The following DIAPH3 variants were observed in gnomAD, a reference collection of about 807,000 sequenced individuals.
The protein encoded by DIAPH3 is diaphanous related formin 3.
DIAPH3 carries 117 observed loss-of-function variants against 144.3 expected under a neutral mutation model. The ratio of observed to expected loss-of-function variants is 0.81; its 90% CI spans 0.70 to 0.95. DIAPH3 has a LOEUF of 0.95. Among genes scored for constraint, DIAPH3 ranks in the 40% least tolerant of loss-of-function variants. The probability of loss-of-function intolerance (pLI) is 0.00; values close to 1 mark genes in which losing one functional copy is unlikely to be tolerated. For synonymous variants in DIAPH3, 519 were observed against 488.9 expected (o/e 1.06, Z -0.81); for missense variants, 1,421 against 1,412.7 (o/e 1.01, Z -0.09).
At chr13:59,919,714 A>C (rs2047417132) in intron 18 of DIAPH3, among the ~76,000 whole-genome samples, 1 of 152,094 alleles carries the variant, frequency 6.6e-6, no homozygotes, top group South Asian at 2.1e-4. Flanking sequence ...AAATATCTGA[A>C]AGTATAACTC....
chr13:59,725,000 A>G (rs2035537957), intron 27 of DIAPH3, among the ~76,000 whole-genome samples: 1 of 152,152 alleles, frequency 6.6e-6, no homozygotes, highest in South Asian at 2.1e-4. Context: ...GTATCAAGCA[A>G]TTTACTGTTT....
Position 59,697,175 on chromosome 13 carries a change from C to T in DIAPH3, c.3320-30329G>A, listed in dbSNP as rs559143276. Among the ~76,000 whole-genome samples, 4 of 151,866 alleles carry T rather than the reference C, an allele frequency of 2.6e-5. No individual in the cohort carries two copies. In the South Asian group the frequency reaches 8.3e-4, roughly 32 times the overall value. On this transcript the variant is annotated intron_variant, in intron 27 of 27. Coordinates refer to ENST00000400324, the MANE Select transcript of DIAPH3 (RefSeq NM_001042517.2). ...AGAAAGGTTTTTAGAAGAGGGGATT[C>T]AGGGCCGGGCGCGGTGGCTCACTCC...
chr13:59,844,401 G>C (rs1276128392), intron 22 of DIAPH3, among the ~76,000 whole-genome samples: 1 of 151,832 alleles, frequency 6.6e-6, no homozygotes, highest in Non-Finnish European at 1.5e-5. Flanking sequence ...CTACTCAGGA[G>C]GTTGAGGCAG....
intron 1 of DIAPH3, among the ~76,000 whole-genome samples, chr13:60,139,111 GTCTATGGA>G (rs559271575): frequency 1.0e-3 from 153 of 152,274 alleles, no homozygotes; most frequent in African/African-American, 3.6e-3. Context: ...CACCTACAGA[GTCTATGGA>G]TCATCTCCCT....
chr13:59,958,662 T>C (rs6562066), intron 17 of DIAPH3, among the ~76,000 whole-genome samples: 96,915 of 151,538 alleles, frequency 0.64, 31,896 homozygotes, highest in African/African-American at 0.74. Flanking sequence ...GTATATATTG[T>C]AAACTGCAAA....
At chr13:59,855,999 G>A (rs1380885990) in intron 22 of DIAPH3, among the ~76,000 whole-genome samples, 1 of 151,972 alleles carries the variant, frequency 6.6e-6, no homozygotes, top group Non-Finnish European at 1.5e-5. Context: ...TCTAGGAAAT[G>A]CCGTAGATCT....
chr13:59,855,131 T>C (rs575407788), intron 22 of DIAPH3, among the ~76,000 whole-genome samples: 4 of 152,326 alleles, frequency 2.6e-5, no homozygotes, highest in African/African-American at 9.6e-5. Context: ...ATATTTGCAC[T>C]GCAAAATGAT....
At chr13:59,776,942 AAACAAAC>A (rs200883920) in intron 25 of DIAPH3, among the ~76,000 whole-genome samples, 2,941 of 151,970 alleles carry the variant, frequency 0.019, 82 homozygotes, top group East Asian at 0.12. Flanking sequence ...ACAAACAAAC[AAACAAAC>A]AAAAAAACCC....
intron 24 of DIAPH3, among the ~76,000 whole-genome samples, chr13:59,826,677 A>T (rs1424709550): frequency 6.6e-6 from 1 of 151,820 alleles, no homozygotes; most frequent in East Asian, 1.9e-4. Context: ...ATTGGAAAAA[A>T]CTACTTTAAA....
intron 5 of DIAPH3, among the ~76,000 whole-genome samples, chr13:60,029,897 C>T (rs976414811): frequency 2.0e-5 from 3 of 152,128 alleles, no homozygotes; most frequent in African/African-American, 4.8e-5. Context: ...CTACCACGAG[C>T]TTTATGGCCA....
At position 60,016,542 on chromosome 13, in the gene DIAPH3, C is replaced by A. The variant is rs144217556; in HGVS notation, c.627-397G>T. The stretch of plus-strand genomic sequence containing the variant: ...TTTACCAGCATACCACTAATTACAG[C>A]CCATTTGGGGCTATGCCAAAGAAGA... On this transcript the variant is annotated intron_variant, in intron 5 of 27. Transcript: ENST00000400324. 3.5e-3 allele frequency among the ~76,000 whole-genome samples: 535 copies of A among 152,202 alleles called. 3 individuals are homozygous for A. Among genetic ancestry groups the A allele is most frequent in the African/African-American group, 0.013 (519 of 41,516 alleles).
chr13:59,995,194 T>C (rs2052115478), intron 9 of DIAPH3, among the ~76,000 whole-genome samples: 1 of 151,724 alleles, frequency 6.6e-6, no homozygotes, highest in Non-Finnish European at 1.5e-5. Flanking sequence ...ATTCATTCAT[T>C]AAAAAAACAA....
At chr13:59,699,162 T>C (rs2033970315) in intron 27 of DIAPH3, among the ~76,000 whole-genome samples, 1 of 152,284 alleles carries the variant, frequency 6.6e-6, no homozygotes, top group African/African-American at 2.4e-5. Flanking sequence ...GGGTGGTCAG[T>C]ACATTGGAGA....
intron 21 of DIAPH3, among the ~76,000 whole-genome samples, chr13:59,864,435 T>C (rs1436183653): frequency 6.6e-6 from 1 of 152,016 alleles, no homozygotes; most frequent in African/African-American, 2.4e-5. Context: ...CCATTTTTAC[T>C]AGTCTACACC....
At chr13:59,967,877 G>C (rs572939892) in intron 17 of DIAPH3, among the ~76,000 whole-genome samples, 159 of 152,130 alleles carry the variant, frequency 1.0e-3, no homozygotes, top group African/African-American at 3.6e-3. Context: ...CACTCTTTGT[G>C]TTCCCCCTGG....
intron 22 of DIAPH3, among the ~76,000 whole-genome samples, chr13:59,848,476 C>A (rs1451979015): frequency 6.6e-6 from 1 of 150,532 alleles, no homozygotes; most frequent in Admixed American, 6.6e-5. Context: ...CTCCCCCCAC[C>A]CCACCACAGT....
chr13:59,907,657 C>T (rs570294845), intron 20 of DIAPH3, among the ~76,000 whole-genome samples: 1 of 152,310 alleles, frequency 6.6e-6, no homozygotes, highest in African/African-American at 2.4e-5. Flanking sequence ...TCTAGAACAC[C>T]TTGAGAGCTA....
chr13:60,133,177 G>A (rs1203797331), intron 1 of DIAPH3, among the ~76,000 whole-genome samples, 188 bp from the exon 2 acceptor site: 1 of 151,904 alleles, frequency 6.6e-6, no homozygotes, highest in Non-Finnish European at 1.5e-5. Context: ...GTTACCCTGC[G>A]TGTGATAGTT....
At chr13:60,100,432 G>A (rs2058236486) in intron 3 of DIAPH3, among the ~76,000 whole-genome samples, 1 of 152,136 alleles carries the variant, frequency 6.6e-6, no homozygotes, top group Non-Finnish European at 1.5e-5. Context: ...GAAGAGACAT[G>A]ACAAATAAAT....
Sources: allele counts gnomAD v4.1 joint callset (sites outside exome capture counted in the v4.1 genomes callset), GRCh38; gene constraint gnomAD v4.1.1; transcripts MANE v1.5; gene names NCBI Gene and HGNC (gene_info 2026-07-23, HGNC 2026-07-21).